The following ZNF804B variants were observed in gnomAD, a reference collection of about 807,000 sequenced individuals.
The protein encoded by ZNF804B is zinc finger 804B.
A neutral mutation model predicts 101.4 loss-of-function variants in ZNF804B; 80 were observed. That is an observed-to-expected ratio of 0.79 (90% CI 0.66 to 0.95). The LOEUF (loss-of-function observed/expected upper bound fraction) is 0.95, where lower values mean the gene tolerates loss of function less well. ZNF804B is among the 40% of genes least tolerant of loss of function. ZNF804B has a pLI of 0.00. For missense variants in ZNF804B, 1,673 were observed against 1,561.9 expected (o/e 1.07, Z -1.20); for synonymous variants, 622 against 558.8 (o/e 1.11, Z -1.59).
At chr7:89,236,439 T>C (rs1789282608) in intron 2 of ZNF804B, among the ~76,000 whole-genome samples, 1 of 152,100 alleles carries the variant, frequency 6.6e-6, no homozygotes, top group Non-Finnish European at 1.5e-5. Context: ...ATAAGATCAA[T>C]ATGAAAATCA....
At chr7:89,155,861 G>T (rs1238606867) in intron 1 of ZNF804B, among the ~76,000 whole-genome samples, 1 of 151,334 alleles carries the variant, frequency 6.6e-6, no homozygotes, top group East Asian at 2.0e-4. Flanking sequence ...AAAATTCCTT[G>T]ACCACCCCTT....
chr7:88,955,163 T>C (rs1242886586), intron 1 of ZNF804B, among the ~76,000 whole-genome samples: 1 of 151,424 alleles, frequency 6.6e-6, no homozygotes, highest in Non-Finnish European at 1.5e-5. Context: ...AAATACTTTT[T>C]GAATGAGTTT....
chr7:89,156,971 C>G (rs1790989233), intron 1 of ZNF804B, among the ~76,000 whole-genome samples: 1 of 152,144 alleles, frequency 6.6e-6, no homozygotes, highest in African/African-American at 2.4e-5. Flanking sequence ...GGGGTCTACC[C>G]TTTTCGCTTA....
intron 2 of ZNF804B, among the ~76,000 whole-genome samples, chr7:89,236,318 G>C (rs1039094052): frequency 1.3e-5 from 2 of 152,072 alleles, no homozygotes; most frequent in Non-Finnish European, 2.9e-5. Context: ...TCCTAGAGCG[G>C]TGAGGTGAGA....
At position 88,994,462 on chromosome 7, in the gene ZNF804B, AAAC is replaced by A. The variant is rs144552597; in HGVS notation, c.109-223690_109-223688del. Among the ~76,000 whole-genome samples the A allele has an allele frequency of 5.1e-4, 78 of 152,160 alleles. 1 individual carries two copies. The East Asian group carries it at 0.015, about 29-fold the overall frequency. ...ATGACACAATCAATTTGATTCCAGA[AAAC>A]AAATGCCAAAAACTGATGAATTCTT... On this transcript the variant is annotated intron_variant, in intron 1 of 3. Coordinates refer to ENST00000333190, the MANE Select transcript of ZNF804B (RefSeq NM_181646.5).
At chr7:89,270,842 T>C (rs1789881581) in intron 2 of ZNF804B, among the ~76,000 whole-genome samples, 1 of 152,110 alleles carries the variant, frequency 6.6e-6, no homozygotes, top group Admixed American at 6.6e-5. Context: ...TGAATGGGAG[T>C]TCACTCATGA....
At chr7:89,035,939 A>G (rs935602103) in intron 1 of ZNF804B, among the ~76,000 whole-genome samples, 6 of 145,082 alleles carry the variant, frequency 4.1e-5, no homozygotes, top group African/African-American at 1.5e-4. Context: ...AATATATTAT[A>G]TTATATATTT....
intron 2 of ZNF804B, among the ~76,000 whole-genome samples, chr7:89,265,592 G>C (rs1377237876): frequency 6.6e-6 from 1 of 152,108 alleles, no homozygotes; most frequent in African/African-American, 2.4e-5. Context: ...ATTCTTTCTG[G>C]CATTGTGGAA....
chr7:89,104,159 TA>T (rs1790100187), intron 1 of ZNF804B, among the ~76,000 whole-genome samples: 1 of 152,064 alleles, frequency 6.6e-6, no homozygotes, highest in Non-Finnish European at 1.5e-5. Context: ...TTTTTGCATC[TA>T]TGTTCATCAG....
chr7:89,268,014 A>G (rs1225538627), intron 2 of ZNF804B, among the ~76,000 whole-genome samples: 1 of 152,022 alleles, frequency 6.6e-6, no homozygotes, highest in African/African-American at 2.4e-5. Flanking sequence ...CTCTTTGGTA[A>G]TCTAAAGGCT....
intron 1 of ZNF804B, among the ~76,000 whole-genome samples, chr7:88,810,958 A>G (rs1790776189): frequency 6.6e-6 from 1 of 152,156 alleles, no homozygotes; most frequent in South Asian, 2.1e-4. Context: ...TCCTACAGAA[A>G]GATGAACCAG....
intron 1 of ZNF804B, among the ~76,000 whole-genome samples, chr7:88,926,620 T>C (rs1562833997): frequency 2.6e-5 from 4 of 151,774 alleles, no homozygotes. Flanking sequence ...AATAAGTAAG[T>C]AAATACATAA....
At chr7:88,835,234 T>G (rs933425342) in intron 1 of ZNF804B, among the ~76,000 whole-genome samples, 5 of 151,882 alleles carry the variant, frequency 3.3e-5, no homozygotes, top group African/African-American at 9.7e-5. Flanking sequence ...GAAATCACTT[T>G]TCTATCTCTG....
rs562188142 is a variant in ZNF804B, at chr7:88,892,047, C to A, written c.108+131963C>A. Among the ~76,000 whole-genome samples, 33 of 152,210 alleles carry A rather than the reference C, an allele frequency of 2.2e-4. 1 individual carries two copies. The South Asian group carries it at 3.9e-3, about 18-fold the overall frequency. ...GTTATACAATATTTTTACCATCTTTCTTCTAAACCAAAGATCCTTAGCATG... is the reference window on the plus strand; with the variant it reads ...GTTATACAATATTTTTACCATCTTTATTCTAAACCAAAGATCCTTAGCATG... On this transcript the variant is annotated intron_variant, in intron 1 of 3. Transcript: ENST00000333190.
intron 2 of ZNF804B, among the ~76,000 whole-genome samples, chr7:89,318,787 C>A (rs147690842): frequency 6.6e-6 from 1 of 152,036 alleles, no homozygotes; most frequent in Non-Finnish European, 1.5e-5. Flanking sequence ...CGGAGAGACT[C>A]TAACCCAGCG....
intron 1 of ZNF804B, among the ~76,000 whole-genome samples, chr7:89,103,118 T>C (rs148841923): frequency 6.9e-5 from 10 of 145,804 alleles, no homozygotes; most frequent in Non-Finnish European, 1.2e-4. Context: ...AATAAACTTG[T>C]AGTATAATTT....
intron 1 of ZNF804B, among the ~76,000 whole-genome samples, chr7:88,786,689 A>G (rs977958994): frequency 2.0e-5 from 3 of 152,126 alleles, no homozygotes; most frequent in Non-Finnish European, 4.4e-5. Context: ...AGATAGCAAT[A>G]CTGGAGATAT....
intron 1 of ZNF804B, among the ~76,000 whole-genome samples, chr7:88,947,973 T>C (rs1793161628): frequency 6.6e-6 from 1 of 151,994 alleles, no homozygotes; most frequent in Admixed American, 6.6e-5. Flanking sequence ...GTTGTAATTT[T>C]CTTAATAATA....
intron 3 of ZNF804B, among the ~76,000 whole-genome samples, chr7:89,329,279 C>T (rs1330603204): frequency 6.6e-6 from 1 of 151,666 alleles, no homozygotes; most frequent in African/African-American, 2.4e-5. Context: ...TTTTTATCGT[C>T]TACTGCCCAT....
Sources: allele counts gnomAD v4.1 joint callset (sites outside exome capture counted in the v4.1 genomes callset), GRCh38; gene constraint gnomAD v4.1.1; transcripts MANE v1.5; gene names NCBI Gene and HGNC (gene_info 2026-07-23, HGNC 2026-07-21).